Variants in ALG8 observed in about 807,000 individuals in gnomAD.
ALG8 encodes dolichyl pyrophosphate Glc1Man9GlcNAc2 alpha-1,3-glucosyltransferase.
In ALG8, 48 loss-of-function variants were observed where a neutral mutation model predicts 70.2. The observed-to-expected ratio is 0.68, with a 90% CI of 0.54 to 0.87. The LOEUF is 0.87. Among genes scored for constraint, ALG8 ranks in the 40% least tolerant of loss-of-function variants. The probability of loss-of-function intolerance (pLI) is 0.00; values close to 1 mark genes in which losing one functional copy is unlikely to be tolerated. For synonymous variants in ALG8, 234 were observed against 229.0 expected (o/e 1.02, Z -0.20); for missense variants, 572 against 608.7 (o/e 0.94, Z 0.64).
chr11:78,134,179 C>T (rs918781301), intron 1 of ALG8, among the ~76,000 whole-genome samples: 1 of 151,440 alleles, frequency 6.6e-6, no homozygotes, highest in Non-Finnish European at 1.5e-5. Context: ...CTCTTGTCAC[C>T]CAGGCTGGAG....
At chr11:78,130,502 T>A (rs1436311496) in intron 1 of ALG8, among the ~76,000 whole-genome samples, 1 of 152,170 alleles carries the variant, frequency 6.6e-6, no homozygotes, top group African/African-American at 2.4e-5. Context: ...CAGTGAGCTG[T>A]ACATTTATGA....
chr11:78,122,699 C>T (rs945092836), intron 3 of ALG8, among the ~76,000 whole-genome samples: 2 of 152,076 alleles, frequency 1.3e-5, no homozygotes, highest in East Asian at 3.8e-4. Flanking sequence ...AATTCTATTT[C>T]CTCTCCCTTT....
chr11:78,106,843 T>G lies in ALG8; in HGVS notation c.1142A>C (p.His381Pro), dbSNP rs1860055728. 7 of 1,614,148 alleles carry G rather than the reference T, an allele frequency of 4.3e-6. No individual in the cohort carries two copies. The highest frequency in any genetic ancestry group is 5.9e-6 in the Non-Finnish European group (7 of 1,180,014). Reference sequence around the variant, plus strand: ...AATTGCTAGAAGTATGGCTTTTTCATGAACATGCCACCCAAACATAAAGGA... The same window carrying G: ...AATTGCTAGAAGTATGGCTTTTTCAGGAACATGCCACCCAAACATAAAGGA... The part of the protein sequence containing the change: ...LSSFMFGWHV[H>P]EKAILLAILP... Residue 381 changes from histidine (H) to proline (P), a missense_variant, in exon 10 of 13, where the codon CAT becomes CCT. Coordinates refer to ENST00000299626, the MANE Select transcript of ALG8 (RefSeq NM_024079.5).
chr11:78,123,597 A>C (rs1440074658), intron 3 of ALG8, among the ~76,000 whole-genome samples: 1 of 152,172 alleles, frequency 6.6e-6, no homozygotes, highest in East Asian at 1.9e-4. Flanking sequence ...GTAAAAGCAG[A>C]CTTTGGTGGT....
In ALG8 at chr11:78,127,389, T is replaced by G; in HGVS notation, c.143A>C (p.His48Pro). The G allele has an allele frequency of 1.2e-6, 2 of 1,613,800 alleles. No individual in the cohort carries two copies. Among genetic ancestry groups the G allele is most frequent in the South Asian group, 2.2e-5 (2 of 91,070 alleles). Residue 48 changes from histidine (H) to proline (P), a missense_variant, in exon 2 of 13, where the codon CAC (histidine) becomes CCC (proline). Physicochemically the swap from His to Pro is moderately conservative, Grantham distance 77. Coordinates refer to ENST00000299626, the MANE Select transcript of ALG8 (RefSeq NM_024079.5). ...ATACCACTGTGATATTGGCAAACTG[T>G]GAGTGATAGCAAGCCAGTTTCGGTG... ...EVHRNWLAIT[H>P]SLPISQWYYE...
intron 5 of ALG8, among the ~76,000 whole-genome samples, chr11:78,116,582 G>A (rs1424536069): frequency 6.6e-6 from 1 of 152,030 alleles, no homozygotes; most frequent in Non-Finnish European, 1.5e-5. Context: ...AGCCGGGAGT[G>A]GTGGTGTGCA....
intron 3 of ALG8, among the ~76,000 whole-genome samples, chr11:78,123,323 AAAAAAAAAAAAAAG>A (rs375049006): frequency 0.14 from 20,646 of 146,104 alleles, 1,133 homozygotes; most frequent in East Asian, 0.26. Context: ...AAGAAAAAAA[AAAAAAAAAAAAAAG>A]AAAAAAAAGA....
intron 10 of ALG8, 70 bp from the exon 11 acceptor site, chr11:78,104,523 T>C: frequency 1.5e-6 from 2 of 1,376,528 alleles, no homozygotes; most frequent in Non-Finnish European, 2.0e-6. Flanking sequence ...ATAAACTGCA[T>C]CTCCTATTAC....
At chr11:78,107,617 T>C (rs1860101349) in intron 9 of ALG8, 1 of 152,086 alleles carries the variant, frequency 6.6e-6, no homozygotes, top group African/African-American at 2.4e-5. Context: ...GGCAGGCAGA[T>C]CACTTGAGGT....
intron 1 of ALG8, among the ~76,000 whole-genome samples, chr11:78,129,704 T>C (rs1861224693): frequency 6.6e-6 from 1 of 152,132 alleles, no homozygotes; most frequent in African/African-American, 2.4e-5. Context: ...CATAATGTGA[T>C]GTCATCACTC....
In ALG8 at chr11:78,112,327, A is replaced by G. The variant is rs188148956; in HGVS notation, c.898+323T>C. 111 of 342,370 alleles carry G rather than the reference A, an allele frequency of 3.2e-4. No homozygotes were observed. In the East Asian group the frequency reaches 7.7e-3, roughly 24 times the overall value. 21.2% of individuals were successfully genotyped at this position (342,370 alleles called of 1,614,324 possible). A position where few individuals can be genotyped will look rare whatever the true frequency, so the allele number is the denominator to read the frequency against. The stretch of plus-strand genomic sequence containing the variant: ...GGAATGGTGAGAAGGGGGGAAAAAA[A>G]GCAGGGTTAACTGCTGCTGCTGAAT... On this transcript the variant is annotated intron_variant, in intron 8 of 12. Transcript: ENST00000299626.
At chr11:78,122,274 T>C (rs1860852557) in intron 3 of ALG8, among the ~76,000 whole-genome samples, 1 of 152,070 alleles carries the variant, frequency 6.6e-6, no homozygotes, top group East Asian at 1.9e-4. Context: ...ACAGGGTCAC[T>C]GAGAAAATTA....
intron 2 of ALG8, among the ~76,000 whole-genome samples, chr11:78,125,686 A>T (rs1364419079): frequency 2.6e-5 from 4 of 151,688 alleles, no homozygotes; most frequent in Admixed American, 6.6e-5. Flanking sequence ...CTAAGGCAGG[A>T]GAATCGCTTA....
chr11:78,119,052 TA>T, intron 5 of ALG8, 129 bp downstream of exon 5: 1 of 694,418 alleles, frequency 1.4e-6, no homozygotes, highest in Non-Finnish European at 2.5e-6. Context: ...AAATACCTAA[TA>T]AAAGTGTCTA....
At position 78,108,115 on chromosome 11, in the gene ALG8, T is replaced by C. The variant is rs558272070; in HGVS notation, c.1039-1169A>G. Among the ~76,000 whole-genome samples the C allele has an allele frequency of 3.2e-3, 482 of 150,404 alleles. 2 individuals carry two copies. Among genetic ancestry groups the C allele is most frequent in the Non-Finnish European group, 5.5e-3 (368 of 67,456 alleles). On this transcript the variant is annotated intron_variant, in intron 9 of 12. Coordinates refer to ENST00000299626, the MANE Select transcript of ALG8 (RefSeq NM_024079.5). ...CAACATGGTGAAACCCTGTCTCTAC[T>C]AAAATACAAAAAAAATTAGCCGGGC...
intron 1 of ALG8, among the ~76,000 whole-genome samples, chr11:78,131,102 T>C (rs1861291933): frequency 6.9e-6 from 1 of 145,274 alleles, no homozygotes; most frequent in Non-Finnish European, 1.5e-5. Context: ...TTTTCCAGTC[T>C]CTTTTTTGGG....
chr11:78,126,698 A>G (rs1169591850), intron 2 of ALG8, among the ~76,000 whole-genome samples: 2 of 152,178 alleles, frequency 1.3e-5, no homozygotes, highest in African/African-American at 4.8e-5. Context: ...TCTTAGAAAT[A>G]ATTCACTCCA....
intron 1 of ALG8, among the ~76,000 whole-genome samples, chr11:78,133,239 TA>T (rs1369620193): frequency 6.6e-6 from 1 of 152,192 alleles, no homozygotes; most frequent in African/African-American, 2.4e-5. Flanking sequence ...TTCACAGGGC[TA>T]GGGATCATAT....
chr11:78,105,215 A>C (rs940836690), intron 10 of ALG8, among the ~76,000 whole-genome samples: 1 of 152,222 alleles, frequency 6.6e-6, no homozygotes, highest in African/African-American at 2.4e-5. Context: ...AAATAAACCC[A>C]GACAAGCCAC....
Sources: allele counts gnomAD v4.1 joint callset (sites outside exome capture counted in the v4.1 genomes callset), GRCh38; gene constraint gnomAD v4.1.1; transcripts MANE v1.5; gene names NCBI Gene and HGNC (gene_info 2026-07-23, HGNC 2026-07-21).